Variants in OAT observed in about 807,000 individuals in gnomAD.
OAT encodes ornithine aminotransferase, mitochondrial.
A neutral mutation model predicts 48.4 loss-of-function variants in OAT; 35 were observed. That is an observed-to-expected ratio of 0.72 (90% confidence interval 0.55 to 0.96). The LOEUF (loss-of-function observed/expected upper bound fraction) is 0.96. Among genes scored for constraint, OAT ranks in the 40% least tolerant of loss-of-function variants. The pLI, the probability that OAT is intolerant of heterozygous loss-of-function variation, is 0.00. For missense variants in OAT, 438 were observed against 537.9 expected, an observed-to-expected ratio of 0.81 and a Z score of 1.84; for synonymous variants, 182 against 198.4, an observed-to-expected ratio of 0.92 and a Z score of 0.70.
intron 7 of OAT, 63 bp downstream of exon 7, chr10:124,402,864 A>G (rs1951450744): frequency 6.3e-7 from 1 of 1,596,520 alleles, no homozygotes; most frequent in African/African-American, 1.3e-5. Flanking sequence ...GTTGATGTAT[A>G]AATACTTTAG....
intron 4 of OAT, chr10:124,406,939 G>C: frequency 2.0e-6 from 2 of 984,510 alleles, no homozygotes; most frequent in Non-Finnish European, 2.4e-6. Context: ...GATAATTTCA[G>C]AGAGGATGAC....
At chr10:124,412,329 A>G (rs1687498333) in intron 1 of OAT, 129 bp from the exon 2 acceptor site, 5 of 703,016 alleles carry the variant, frequency 7.1e-6, no homozygotes, top group Non-Finnish European at 1.2e-5. Flanking sequence ...TGGGCAACAG[A>G]GCAAGACTCC....
chr10:124,409,068 C>G, intron 2 of OAT, 103 bp from the exon 3 acceptor site: 1 of 750,784 alleles, frequency 1.3e-6, no homozygotes. Context: ...TATATATGAA[C>G]CTCTATTTAA....
At chr10:124,414,785 G>A (rs185009985) in intron 1 of OAT, among the ~76,000 whole-genome samples, 86 of 152,090 alleles carry the variant, frequency 5.7e-4, no homozygotes, top group African/African-American at 2.0e-3. Flanking sequence ...GCTCTAAACC[G>A]TAACAACTTT....
At chr10:124,404,130 C>T (rs937423907) in intron 5 of OAT, among the ~76,000 whole-genome samples, 1 of 152,174 alleles carries the variant, frequency 6.6e-6, no homozygotes, top group African/African-American at 2.4e-5. Context: ...CCTTTTTTGC[C>T]TCATTCTGTT....
At chr10:124,401,918 G>T in intron 7 of OAT, 79 bp from the exon 8 acceptor site, 1 of 1,074,174 alleles carries the variant, frequency 9.3e-7, no homozygotes, top group Non-Finnish European at 1.4e-6. Flanking sequence ...GAGTCTCGCT[G>T]TCACCCAGGC....
chr10:124,411,129 C>T (rs1435955067), intron 2 of OAT, among the ~76,000 whole-genome samples: 1 of 75,128 alleles, frequency 1.3e-5, no homozygotes, highest in East Asian at 4.0e-4. Flanking sequence ...GACAAAGCGA[C>T]ATTCCGTCTC....
intron 1 of OAT, chr10:124,418,056 G>A (rs1951974251): frequency 1.3e-5 from 2 of 152,230 alleles, no homozygotes; most frequent in South Asian, 4.1e-4. Context: ...GCACTGGCCA[G>A]GCCCATTTAC....
At chr10:124,409,821 T>G (rs2134481481) in intron 2 of OAT, among the ~76,000 whole-genome samples, 1 of 152,242 alleles carries the variant, frequency 6.6e-6, no homozygotes, top group Admixed American at 6.5e-5. Flanking sequence ...GAAAAGATGT[T>G]CAACATCACT....
At chr10:124,407,390 G>A (rs768548787) in intron 4 of OAT, 7 of 984,912 alleles carry the variant, frequency 7.1e-6, no homozygotes, top group Non-Finnish European at 8.4e-6. Context: ...TGCACCCTTT[G>A]CTATTAAGAA....
At chr10:124,412,271 G>C in intron 1 of OAT, 71 bp from the exon 2 acceptor site, 2 of 1,212,660 alleles carry the variant, frequency 1.6e-6, no homozygotes, top group South Asian at 1.2e-5. Flanking sequence ...AGCACTTTGG[G>C]AGGCTGAGGT....
intron 9 of OAT, among the ~76,000 whole-genome samples, chr10:124,399,847 G>A (rs1182253498): frequency 2.0e-5 from 3 of 152,118 alleles, no homozygotes; most frequent in African/African-American, 4.8e-5. Flanking sequence ...TATTTCTGCT[G>A]CTCCTATAAC....
At chr10:124,409,536 G>C (rs979002660) in intron 2 of OAT, among the ~76,000 whole-genome samples, 67 of 147,704 alleles carry the variant, frequency 4.5e-4, no homozygotes, top group African/African-American at 1.7e-3. Flanking sequence ...GGGCACCAGA[G>C]CAAAATCCTG....
chr10:124,403,703 A>T, intron 6 of OAT, 95 bp downstream of exon 6: 1 of 1,523,654 alleles, frequency 6.6e-7, no homozygotes. Context: ...TCCAATCAGC[A>T]GAATTCAGAG....
intron 8 of OAT, 52 bp from the exon 9 acceptor site, chr10:124,401,036 T>G (rs1257504536): frequency 2.1e-6 from 3 of 1,403,576 alleles, no homozygotes; most frequent in Non-Finnish European, 3.0e-6. Flanking sequence ...TTTTTTGTTT[T>G]TTGGAGGACA....
Position 124,401,711 on chromosome 10 carries a change from T to C in OAT, c.1014+15A>G. 6.5e-7 allele frequency: 1 copy of C among 1,528,720 alleles called. No individual in the cohort carries two copies. The highest frequency in any genetic ancestry group is 9.1e-7 in the Non-Finnish European group (1 of 1,102,872). 94.7% of individuals were successfully genotyped at this position (1,528,720 alleles called of 1,614,324 possible). A position where few individuals can be genotyped will look rare whatever the true frequency, so the allele number is the denominator to read the frequency against. ...CTTTAAAGAATAGACACTGTGTGGCTGTATCAGTCTTTACCTCAAGGGCTG... is the reference window on the plus strand; with the variant it reads ...CTTTAAAGAATAGACACTGTGTGGCCGTATCAGTCTTTACCTCAAGGGCTG... On this transcript the variant is annotated intron_variant, in intron 8 of 9. Transcript: ENST00000368845.
chr10:124,404,550 G>T (rs1249167507), intron 5 of OAT, among the ~76,000 whole-genome samples: 1 of 151,678 alleles, frequency 6.6e-6, no homozygotes, highest in Non-Finnish European at 1.5e-5. Context: ...GCCTCCCAAA[G>T]TGCTGCGATT....
chr10:124,403,894 A>G lies in OAT; in HGVS notation c.675T>C (p.Ala225=), dbSNP rs1951496845. ...CCTGAATTGGTTCTACCATGAACGCAGCCACATTTGGATCCTGAAGAGCAC... is the reference window on the plus strand; with the variant it reads ...CCTGAATTGGTTCTACCATGAACGCGGCCACATTTGGATCCTGAAGAGCAC... The part of the protein sequence containing the change: ...LERALQDPNV[A]AFMVEPIQGE... Residue 225 remains alanine (A), a synonymous_variant, in exon 6 of 10, where the codon GCT becomes GCC. Coordinates refer to ENST00000368845, the MANE Select transcript of OAT (RefSeq NM_000274.4). 3 of 1,614,076 alleles carry G rather than the reference A, an allele frequency of 1.9e-6. No individual in the cohort carries two copies. In the African/African-American group the frequency reaches 4.0e-5, roughly 22 times the overall value.
chr10:124,402,965 C>T lies in OAT; in HGVS notation c.862G>A (p.Val288Ile), dbSNP rs935053559. ...VDYENVRPDI[V>I]LLGKALSGGL... ...CCAGAAAGGGCCTTTCCAAGGAGGA[C>T]TATATCAGGTCTGACATTTTCATAA... The change falls in exon 7 of 10, where the codon GTC becomes ATC. Residue 288 changes from valine to isoleucine, a missense_variant. Physicochemically the swap from Val to Ile is conservative, Grantham distance 29. Coordinates refer to ENST00000368845, the MANE Select transcript of OAT (RefSeq NM_000274.4). 3.1e-6 allele frequency: 5 copies of T among 1,614,114 alleles called. No individual in the cohort carries two copies. The highest frequency in any genetic ancestry group is 4.2e-6 in the Non-Finnish European group (5 of 1,180,014).
Sources: gnomAD v4.1 joint callset for allele counts (sites outside exome capture counted in the v4.1 genomes callset) on GRCh38, gnomAD v4.1.1 for gene constraint, MANE v1.5 for transcripts, NCBI Gene and HGNC (gene_info 2026-07-23, HGNC 2026-07-21) for gene names.